The following ZRANB3 variants were observed in gnomAD, a reference collection of about 807,000 sequenced individuals.
The protein encoded by ZRANB3 is DNA annealing helicase and endonuclease ZRANB3.
In ZRANB3, 125 loss-of-function variants were observed where a neutral mutation model predicts 133.8. That is an observed-to-expected ratio of 0.93 (90% confidence interval 0.81 to 1.08). ZRANB3 has a LOEUF of 1.08. Among genes scored for constraint, ZRANB3 ranks in the 50% least tolerant of loss-of-function variants. The pLI is 0.00. For missense variants in ZRANB3, 1,229 were observed against 1,275.5 expected, an observed-to-expected ratio of 0.96 and a Z score of 0.56; for synonymous variants, 387 against 432.7, an observed-to-expected ratio of 0.89 and a Z score of 1.31.
intron 2 of ZRANB3, among the ~76,000 whole-genome samples, chr2:135,455,171 CTTTTTTTTTTTTTTTTTTTTT>C (rs1166170814): frequency 0.018 from 688 of 37,680 alleles, 25 homozygotes; most frequent in South Asian, 0.12. Flanking sequence ...CCTTCTTATA[CTTTTTTTTTTTTTTTTTTTTT>C]TTTTTTTTTT....
chr2:135,221,972 T>C (rs1694572996), intron 15 of ZRANB3, among the ~76,000 whole-genome samples: 1 of 152,234 alleles, frequency 6.6e-6, no homozygotes, highest in Non-Finnish European at 1.5e-5. Flanking sequence ...TATCTATCTA[T>C]ATCTATATTC....
At chr2:135,478,314 T>G (rs1458718455) in intron 2 of ZRANB3, among the ~76,000 whole-genome samples, 5 of 151,886 alleles carry the variant, frequency 3.3e-5, no homozygotes, top group Non-Finnish European at 7.4e-5. Context: ...TTAAGAAAAT[T>G]CAAAAATTTT....
chr2:135,230,897 A>T lies in ZRANB3; in HGVS notation c.1570T>A (p.Ser524Thr), dbSNP rs565236551. 1 of 1,575,008 alleles carries T rather than the reference A, an allele frequency of 6.3e-7. No homozygotes were observed. Among genetic ancestry groups the T allele is most frequent in the East Asian group, 2.3e-5 (1 of 44,444 alleles). Residue 524 changes from serine (S) to threonine (T), a missense_variant, in exon 13 of 21, where the codon TCA becomes ACA. By Grantham distance (58) the Ser-to-Thr change is moderately conservative (BLOSUM62 1). Coordinates refer to ENST00000264159, the MANE Select transcript of ZRANB3 (RefSeq NM_032143.4). ...FEKEKQHDIR[S>T]FFVPQPKKRQ... is the part of the protein sequence containing the mutation. ...TTTTTAGGTTGTGGTACAAAAAATG[A>T]TCGAATATCATGCTGTTTTTCTTTT...
At chr2:135,300,728 A>G (rs1444960050) in intron 8 of ZRANB3, among the ~76,000 whole-genome samples, 1 of 152,188 alleles carries the variant, frequency 6.6e-6, no homozygotes, top group African/African-American at 2.4e-5. Flanking sequence ...TTCCCAGTTA[A>G]GATATGATAC....
chr2:135,215,953 G>A (rs936191965), intron 17 of ZRANB3, among the ~76,000 whole-genome samples: 1 of 151,894 alleles, frequency 6.6e-6, no homozygotes, highest in Non-Finnish European at 1.5e-5. Flanking sequence ...ACCATCCTAC[G>A]GGACCAAATT....
chr2:135,378,881 T>C (rs1362941609), intron 3 of ZRANB3, among the ~76,000 whole-genome samples: 1 of 152,154 alleles, frequency 6.6e-6, no homozygotes, highest in African/African-American at 2.4e-5. Context: ...GTGTGAGAAA[T>C]TGTTACAACC....
chr2:135,360,514 G>A (rs1685641025), intron 3 of ZRANB3, among the ~76,000 whole-genome samples: 1 of 151,824 alleles, frequency 6.6e-6, no homozygotes, highest in Admixed American at 6.6e-5. Flanking sequence ...GACCATCCTG[G>A]CTAACACGGT....
At chr2:135,407,335 A>C (rs1320450223) in intron 2 of ZRANB3, among the ~76,000 whole-genome samples, 1 of 152,116 alleles carries the variant, frequency 6.6e-6, no homozygotes, top group Non-Finnish European at 1.5e-5. Flanking sequence ...ATACAAACAA[A>C]TCGAAGAACA....
chr2:135,519,709 G>A lies in ZRANB3; in HGVS notation c.-8+11418C>T, dbSNP rs150171669. 2.6e-3 allele frequency among the ~76,000 whole-genome samples: 389 copies of A among 152,042 alleles called. 7 individuals carry two copies. Among genetic ancestry groups the A allele is most frequent in the Admixed American group, 0.02 (304 of 15,270 alleles). Reference sequence around the variant, plus strand: ...TCATGCATTCAACAAATGTGTATTCGGTTGTTCACATGTAGCAGACATTGT... The same window carrying A: ...TCATGCATTCAACAAATGTGTATTCAGTTGTTCACATGTAGCAGACATTGT... On this transcript the variant is annotated intron_variant, in intron 1 of 20. Transcript: ENST00000264159.
At chr2:135,292,407 T>C (rs1320040662) in intron 8 of ZRANB3, among the ~76,000 whole-genome samples, 1 of 152,322 alleles carries the variant, frequency 6.6e-6, no homozygotes, top group Admixed American at 6.5e-5. Context: ...TTGAGAAGTG[T>C]CTGTTCATAT....
intron 2 of ZRANB3, among the ~76,000 whole-genome samples, chr2:135,442,507 C>T (rs979012715): frequency 3.9e-5 from 6 of 152,268 alleles, no homozygotes; most frequent in Non-Finnish European, 7.4e-5. Flanking sequence ...TACCATCTCA[C>T]GCCAGTTAGA....
chr2:135,413,264 G>C (rs1309265503), intron 2 of ZRANB3, among the ~76,000 whole-genome samples: 6 of 152,148 alleles, frequency 3.9e-5, no homozygotes, highest in Admixed American at 2.6e-4. Context: ...GAATAGACTA[G>C]TGAATCAACC....
At chr2:135,503,011 T>C (rs1057419614) in intron 2 of ZRANB3, among the ~76,000 whole-genome samples, 2 of 152,202 alleles carry the variant, frequency 1.3e-5, no homozygotes, top group African/African-American at 2.4e-5. Flanking sequence ...ATTCCATTTA[T>C]ATAAACCATT....
At position 135,312,133 on chromosome 2, in the gene ZRANB3, ATTATTTTATT is replaced by A. The variant is rs1172988796; in HGVS notation, c.966+1346_966+1355del. Among the ~76,000 whole-genome samples the A allele has an allele frequency of 5.5e-4, 54 of 98,386 alleles. 1 individual carries two copies. Among genetic ancestry groups the A allele is most frequent in the Non-Finnish European group, 7.9e-4 (44 of 55,830 alleles). The allele number at this position is 98,386 out of a possible 152,430, so 64.5% of individuals were successfully genotyped here. On this transcript the variant is annotated intron_variant, in intron 8 of 20. Coordinates refer to ENST00000264159, the MANE Select transcript of ZRANB3 (RefSeq NM_032143.4). ...TGTATTTATTTTTTTATTTTATTTT[ATTATTTTATT>A]TTATTTTATTTTATTTTTATTTTAT... is the stretch of plus-strand genomic sequence containing the variant.
At chr2:135,435,012 T>C (rs544341032) in intron 2 of ZRANB3, among the ~76,000 whole-genome samples, 1 of 152,120 alleles carries the variant, frequency 6.6e-6, no homozygotes, top group African/African-American at 2.4e-5. Context: ...ACTTTAGGTT[T>C]GGGGGTACAT....
intron 2 of ZRANB3, among the ~76,000 whole-genome samples, chr2:135,480,653 G>C (rs895736304): frequency 8.6e-5 from 13 of 151,486 alleles, no homozygotes; most frequent in African/African-American, 2.9e-4. Context: ...TAGGGTACAT[G>C]TGCACATTGT....
intron 2 of ZRANB3, among the ~76,000 whole-genome samples, chr2:135,465,467 T>A (rs1259931822): frequency 1.3e-5 from 2 of 152,268 alleles, no homozygotes; most frequent in Admixed American, 1.3e-4. Context: ...GTTCCTATGA[T>A]AACGAAATGA....
At chr2:135,296,905 C>T (rs558648920) in intron 8 of ZRANB3, among the ~76,000 whole-genome samples, 4 of 152,254 alleles carry the variant, frequency 2.6e-5, no homozygotes, top group Admixed American at 1.3e-4. Context: ...ATTGGTGAAC[C>T]GCAAATGCTG....
chr2:135,392,132 A>C (rs1687264935), intron 2 of ZRANB3, among the ~76,000 whole-genome samples: 1 of 151,952 alleles, frequency 6.6e-6, no homozygotes, highest in Admixed American at 6.6e-5. Flanking sequence ...AGACAACCTA[A>C]AAAAATAGCT....
Sources: gnomAD v4.1 joint callset for allele counts (sites outside exome capture counted in the v4.1 genomes callset) on GRCh38, gnomAD v4.1.1 for gene constraint, MANE v1.5 for transcripts, NCBI Gene and HGNC (gene_info 2026-07-23, HGNC 2026-07-21) for gene names.